KCTD8: variants seen among roughly 807,000 people sequenced by gnomAD.
The protein encoded by KCTD8 is potassium channel tetramerization domain containing 8.
Under a neutral mutation model 31.5 loss-of-function variants are expected in KCTD8, and 27 were observed. The observed-to-expected ratio is 0.86, with a 90% CI of 0.63 to 1.18. The LOEUF (loss-of-function observed/expected upper bound fraction) is 1.18. KCTD8 is among the 50% of genes most tolerant of loss of function. The probability of loss-of-function intolerance (pLI) is 0.00; values close to 1 mark genes in which losing one functional copy is unlikely to be tolerated. For missense variants in KCTD8, 658 were observed against 647.7 expected, an observed-to-expected ratio of 1.02 and a Z score of -0.17; for synonymous variants, 290 against 280.0, an observed-to-expected ratio of 1.04 and a Z score of -0.36.
At chr4:44,200,155 T>C (rs976976887) in intron 1 of KCTD8, among the ~76,000 whole-genome samples, 2 of 151,078 alleles carry the variant, frequency 1.3e-5, no homozygotes, top group Admixed American at 6.6e-5. Context: ...AAATTGAATG[T>C]TATAATAAAA....
intron 1 of KCTD8, among the ~76,000 whole-genome samples, chr4:44,268,678 T>C (rs1199311013): frequency 2.6e-5 from 4 of 152,300 alleles, no homozygotes; most frequent in Non-Finnish European, 5.9e-5. Flanking sequence ...CTTAAGCTGA[T>C]AAGCAACTTC....
At chr4:44,379,810 G>T (rs1030946179) in intron 1 of KCTD8, among the ~76,000 whole-genome samples, 26 of 152,070 alleles carry the variant, frequency 1.7e-4, no homozygotes, top group African/African-American at 6.0e-4. Context: ...CCTATTGTAT[G>T]ACCACCACAT....
intron 1 of KCTD8, among the ~76,000 whole-genome samples, chr4:44,260,635 C>T (rs958708288): frequency 1.3e-5 from 2 of 151,776 alleles, no homozygotes; most frequent in African/African-American, 4.8e-5. Flanking sequence ...TCTCAACAAC[C>T]CCAAAGAGCA....
chr4:44,251,507 T>C (rs1023758366), intron 1 of KCTD8, among the ~76,000 whole-genome samples: 1 of 151,692 alleles, frequency 6.6e-6, no homozygotes, highest in Non-Finnish European at 1.5e-5. Context: ...AAATTTTATA[T>C]TTTTTCCATG....
chr4:44,436,158 A>T (rs1371606387), intron 1 of KCTD8, among the ~76,000 whole-genome samples: 1 of 152,156 alleles, frequency 6.6e-6, no homozygotes, highest in Non-Finnish European at 1.5e-5. Flanking sequence ...ATCACCTATA[A>T]ATAGTCTTGC....
chr4:44,308,746 G>A (rs1478833577), intron 1 of KCTD8, among the ~76,000 whole-genome samples: 1 of 151,882 alleles, frequency 6.6e-6, no homozygotes, highest in Non-Finnish European at 1.5e-5. Flanking sequence ...TTAAAATAAA[G>A]TAATATACTA....
chr4:44,329,760 G>A (rs1718546043), intron 1 of KCTD8, among the ~76,000 whole-genome samples: 1 of 151,900 alleles, frequency 6.6e-6, no homozygotes, highest in South Asian at 2.1e-4. Flanking sequence ...CCTGTGCTAG[G>A]TGTAAAATTA....
intron 1 of KCTD8, among the ~76,000 whole-genome samples, chr4:44,273,694 C>A (rs1025958527): frequency 6.6e-6 from 1 of 151,790 alleles, no homozygotes; most frequent in Non-Finnish European, 1.5e-5. Flanking sequence ...ATGTATTTCA[C>A]AAAATAACAT....
chr4:44,175,142 G>A lies in KCTD8; in HGVS notation c.1070C>T (p.Thr357Ile). ...CTCTGAATGGCTGTCACAACTGGAA[G>A]TGGAGAGCTCATTACAGGAAGTCCC... ...ESGTSCNELS[T>I]SSCDSHSEAS... Residue 357 changes from threonine to isoleucine, a missense_variant, in exon 2 of 2, where the codon ACT becomes ATT. Physicochemically the swap from Thr to Ile is moderately conservative, Grantham distance 89. Transcript: ENST00000360029. 6.2e-7 allele frequency: 1 copy of A among 1,613,978 alleles called. No individual in the cohort carries two copies. The highest frequency in any genetic ancestry group is 8.5e-7 in the Non-Finnish European group (1 of 1,179,908).
intron 1 of KCTD8, among the ~76,000 whole-genome samples, chr4:44,191,533 T>G (rs946100940): frequency 4.6e-5 from 7 of 152,220 alleles, no homozygotes; most frequent in Admixed American, 1.3e-4. Context: ...GCAAGGAATA[T>G]TAAATATTAA....
intron 1 of KCTD8, among the ~76,000 whole-genome samples, chr4:44,190,422 A>C (rs1247548754): frequency 2.6e-5 from 4 of 152,224 alleles, no homozygotes; most frequent in African/African-American, 9.6e-5. Flanking sequence ...GTTTAGATGG[A>C]GTAAATTTCT....
At chr4:44,265,144 A>T (rs1014832627) in intron 1 of KCTD8, among the ~76,000 whole-genome samples, 2 of 152,094 alleles carry the variant, frequency 1.3e-5, no homozygotes, top group Non-Finnish European at 2.9e-5. Context: ...GGCACCCCCC[A>T]GTAGGGGCAG....
intron 1 of KCTD8, among the ~76,000 whole-genome samples, chr4:44,345,232 C>G (rs1719007989): frequency 6.6e-6 from 1 of 151,938 alleles, no homozygotes; most frequent in Non-Finnish European, 1.5e-5. Context: ...TTATTTTTAA[C>G]TTATTCAAAA....
chr4:44,339,126 T>A (rs560384880), intron 1 of KCTD8, among the ~76,000 whole-genome samples: 1 of 152,290 alleles, frequency 6.6e-6, no homozygotes, highest in East Asian at 1.9e-4. Context: ...AAAGTACTTT[T>A]AAAAATTGTA....
intron 1 of KCTD8, among the ~76,000 whole-genome samples, chr4:44,272,772 G>A (rs926367011): frequency 1.4e-4 from 22 of 151,988 alleles, no homozygotes; most frequent in African/African-American, 5.3e-4. Flanking sequence ...GACAGGGAGG[G>A]TCTCTGCTCT....
At chr4:44,222,255 G>C (rs548701285) in intron 1 of KCTD8, among the ~76,000 whole-genome samples, 31 of 152,178 alleles carry the variant, frequency 2.0e-4, no homozygotes, top group Admixed American at 1.8e-3. Flanking sequence ...TTTGTTTGCT[G>C]AGTTGAGCCT....
At chr4:44,415,802 G>C (rs1483767616) in intron 1 of KCTD8, among the ~76,000 whole-genome samples, 1 of 152,212 alleles carries the variant, frequency 6.6e-6, no homozygotes, top group Non-Finnish European at 1.5e-5. Context: ...TAAATGCCCA[G>C]GCAGAAGCCT....
intron 1 of KCTD8, among the ~76,000 whole-genome samples, chr4:44,359,583 A>G (rs964589037): frequency 1.2e-4 from 19 of 152,260 alleles, no homozygotes; most frequent in African/African-American, 3.8e-4. Flanking sequence ...AATTCAGAAC[A>G]CTCAACCCAA....
chr4:44,395,700 A>G (rs112117519), intron 1 of KCTD8, among the ~76,000 whole-genome samples: 65 of 152,116 alleles, frequency 4.3e-4, no homozygotes, highest in African/African-American at 1.3e-3. Context: ...CCTTTGCAAA[A>G]AATGTTCGTA....
Sources: gnomAD v4.1 joint callset for allele counts (sites outside exome capture counted in the v4.1 genomes callset) on GRCh38, gnomAD v4.1.1 for gene constraint, MANE v1.5 for transcripts, NCBI Gene and HGNC (gene_info 2026-07-23, HGNC 2026-07-21) for gene names.